The following KREMEN1 variants were observed in gnomAD, a reference collection of about 807,000 sequenced individuals.
KREMEN1 encodes the protein kremen protein 1.
A neutral mutation model predicts 46.5 loss-of-function variants in KREMEN1; 30 were observed. The ratio of observed to expected loss-of-function variants is 0.65; its 90% CI spans 0.48 to 0.88. The LOEUF (loss-of-function observed/expected upper bound fraction) is 0.88. KREMEN1 is among the 40% of genes least tolerant of loss of function. KREMEN1 has a pLI of 0.00. For missense variants in KREMEN1, 533 were observed against 596.9 expected (o/e 0.89, Z 1.11); for synonymous variants, 214 against 230.6 (o/e 0.93, Z 0.65).
intron 5 of KREMEN1, among the ~76,000 whole-genome samples, chr22:29,130,621 C>T (rs1032989099): frequency 7.2e-5 from 11 of 152,104 alleles, no homozygotes; most frequent in African/African-American, 2.7e-4. Context: ...TGAGACATGC[C>T]CATTATCATT....
chr22:29,138,496 C>G (rs2038704845), intron 6 of KREMEN1, 128 bp from the exon 7 acceptor site: 3 of 932,352 alleles, frequency 3.2e-6, no homozygotes, highest in South Asian at 3.0e-5. Flanking sequence ...TGGGACCCAC[C>G]TATGGAAGGA....
At chr22:29,122,596 A>T (rs1192999451) in intron 4 of KREMEN1, among the ~76,000 whole-genome samples, 1 of 152,192 alleles carries the variant, frequency 6.6e-6, no homozygotes. Context: ...AATAAAGTAC[A>T]GTATATCCAT....
In KREMEN1 at chr22:29,144,957, A is replaced by T. The variant is rs2145859884; in HGVS notation, c.*2845A>T. 1 of 985,468 alleles carries T rather than the reference A, an allele frequency of 1.0e-6. No individual in the cohort carries two copies. Among genetic ancestry groups the T allele is most frequent in the Non-Finnish European group, 1.2e-6 (1 of 829,968 alleles). 61.0% of individuals were successfully genotyped at this position (985,468 alleles called of 1,614,324 possible). ...CCTGGCATGGCCCAGCGCCTCTAGG[A>T]TCAACTTACGATCCGTGGAGCAGCC... On this transcript the variant is annotated 3_prime_UTR_variant, in exon 9 of 9. Transcript: ENST00000400335.
rs2038844369 is a variant in KREMEN1, at chr22:29,145,547, T to A, written c.*3435T>A. On this transcript the variant is annotated 3_prime_UTR_variant, in exon 9 of 9. Coordinates refer to ENST00000400335, the MANE Select transcript of KREMEN1 (RefSeq NM_001039570.3). ...TGTCACTCTCCGTGGTGACAGTGTC[T>A]TGGCCAGCTGTGGCCCCTAGTTTCT... 7 of 985,424 alleles carry A rather than the reference T, an allele frequency of 7.1e-6. No individual in the cohort carries two copies. Among genetic ancestry groups the A allele is most frequent in the African/African-American group, 1.7e-5 (1 of 57,252 alleles). 61.0% of individuals were successfully genotyped at this position (985,424 alleles called of 1,614,324 possible).
downstream of KREMEN1, among the ~76,000 whole-genome samples, chr22:29,149,249 G>A (rs1313302415): frequency 6.6e-6 from 1 of 151,378 alleles, no homozygotes; most frequent in Non-Finnish European, 1.5e-5. Flanking sequence ...TGCAACCTCC[G>A]CCTCCTGGGT....
chr22:29,127,274 ACTAGAGAGGTG>A (rs1240124359), intron 5 of KREMEN1, among the ~76,000 whole-genome samples: 1 of 152,216 alleles, frequency 6.6e-6, no homozygotes, highest in Non-Finnish European at 1.5e-5. Context: ...CTAAGAAACC[ACTAGAGAGGTG>A]CTAGAGAGGA....
intron 5 of KREMEN1, chr22:29,134,184 G>A (rs2038619283): frequency 1.3e-5 from 2 of 150,782 alleles, no homozygotes; most frequent in South Asian, 4.2e-4. Context: ...AAGAGACAAG[G>A]TCTCACTCTG....
intron 7 of KREMEN1, among the ~76,000 whole-genome samples, chr22:29,139,809 C>T (rs2038732731): frequency 6.6e-6 from 1 of 152,122 alleles, no homozygotes; most frequent in Admixed American, 6.5e-5. Context: ...GCCCTGGGCC[C>T]CTGCAGGACC....
chr22:29,114,788 T>C (rs1462187708), intron 3 of KREMEN1, among the ~76,000 whole-genome samples: 1 of 152,188 alleles, frequency 6.6e-6, no homozygotes, highest in Non-Finnish European at 1.5e-5. Context: ...CTGGGGCCAT[T>C]TTGAAGTATA....
rs763168061 is a variant in KREMEN1, at chr22:29,145,725, AC to A, written c.*3614del. 7.8e-4 allele frequency: 770 copies of A among 985,522 alleles called. No homozygotes were observed. The highest frequency in any genetic ancestry group is 8.7e-4 in the Non-Finnish European group (720 of 829,978). The allele number at this position is 985,522 out of a possible 1,614,324, so 61.0% of individuals were successfully genotyped here. A position where few individuals can be genotyped will look rare whatever the true frequency, so the allele number is the denominator to read the frequency against. On this transcript the variant is annotated 3_prime_UTR_variant, in exon 9 of 9. Coordinates refer to ENST00000400335, the MANE Select transcript of KREMEN1 (RefSeq NM_001039570.3). The stretch of plus-strand genomic sequence containing the variant: ...CACCCGCCCTGTCCCCCACGTCAGG[AC>A]AGGCTTGAGGCCTCTCTGGGCGTGA...
chr22:29,162,935 G>T (rs529886452), intron 9 of KREMEN1, among the ~76,000 whole-genome samples: 2 of 152,224 alleles, frequency 1.3e-5, no homozygotes, highest in South Asian at 2.1e-4. Flanking sequence ...TCATAAAAAA[G>T]AATTAAATCA....
intron 1 of KREMEN1, among the ~76,000 whole-genome samples, chr22:29,089,415 A>G (rs1310841549): frequency 2.0e-5 from 3 of 151,852 alleles, no homozygotes; most frequent in Non-Finnish European, 4.4e-5. Context: ...ACTACCTTCA[A>G]AATATATCTG....
intron 1 of KREMEN1, among the ~76,000 whole-genome samples, chr22:29,074,128 T>C (rs1323862185): frequency 6.6e-6 from 1 of 152,244 alleles, no homozygotes; most frequent in Non-Finnish European, 1.5e-5. Context: ...GCGGACATTA[T>C]AACTTCTGCC....
At chr22:29,107,317 G>C (rs1439768011) in intron 3 of KREMEN1, among the ~76,000 whole-genome samples, 1 of 148,862 alleles carries the variant, frequency 6.7e-6, no homozygotes, top group East Asian at 2.0e-4. Flanking sequence ...TCTGCCTTCT[G>C]GTTTCAAGAG....
In KREMEN1 at chr22:29,143,875, T is replaced by G; in HGVS notation, c.*1763T>G. ...GTCCCTTGCCACCCTGTCCCTTAGATAGGGAGGTGGGCTGCAGAGATTGGT... is the reference window on the plus strand; with the variant it reads ...GTCCCTTGCCACCCTGTCCCTTAGAGAGGGAGGTGGGCTGCAGAGATTGGT... On this transcript the variant is annotated 3_prime_UTR_variant, in exon 9 of 9. Transcript: ENST00000400335. 2 of 985,274 alleles carry G rather than the reference T, an allele frequency of 2.0e-6. No individual in the cohort carries two copies. The highest frequency in any genetic ancestry group is 2.4e-6 in the Non-Finnish European group (2 of 829,882). 61.0% of individuals were successfully genotyped at this position (985,274 alleles called of 1,614,324 possible). A position where few individuals can be genotyped will look rare whatever the true frequency, so the allele number is the denominator to read the frequency against.
At chr22:29,088,482 C>T (rs921052800) in intron 1 of KREMEN1, among the ~76,000 whole-genome samples, 11 of 152,104 alleles carry the variant, frequency 7.2e-5, no homozygotes, top group African/African-American at 2.2e-4. Flanking sequence ...GCACACACCA[C>T]CACGCTTGGC....
At chr22:29,098,987 G>A in intron 3 of KREMEN1, 34 bp downstream of exon 3, 1 of 1,515,144 alleles carries the variant, frequency 6.6e-7, no homozygotes, top group Non-Finnish European at 9.2e-7. Flanking sequence ...ATGGTTTACA[G>A]GACTGTGAAC....
chr22:29,148,925 T>G (rs1365223511), downstream of KREMEN1, among the ~76,000 whole-genome samples: 2 of 151,532 alleles, frequency 1.3e-5, no homozygotes, highest in Non-Finnish European at 2.9e-5. Flanking sequence ...TAAAGAATAT[T>G]ACCACCGCAG....
chr22:29,124,801 A>G (rs943325146), intron 4 of KREMEN1, among the ~76,000 whole-genome samples: 3 of 152,188 alleles, frequency 2.0e-5, no homozygotes, highest in Non-Finnish European at 4.4e-5. Flanking sequence ...CTGTGGTTAC[A>G]CAAATCTATA....
Sources: gnomAD v4.1 joint callset for allele counts (sites outside exome capture counted in the v4.1 genomes callset) on GRCh38, gnomAD v4.1.1 for gene constraint, MANE v1.5 for transcripts, NCBI Gene and HGNC (gene_info 2026-07-23, HGNC 2026-07-21) for gene names.